The following PLCB4 variants were observed in gnomAD, a reference collection of about 807,000 sequenced individuals.
PLCB4 encodes 1-phosphatidylinositol 4,5-bisphosphate phosphodiesterase beta-4.
In PLCB4, 77 loss-of-function variants were observed where a neutral mutation model predicts 178.8. The ratio of observed to expected loss-of-function variants is 0.43; its 90% CI spans 0.36 to 0.52. The LOEUF is 0.52. PLCB4 is among the 20% of genes least tolerant of loss of function. The probability of loss-of-function intolerance (pLI) is 0.00; values close to 1 mark genes in which losing one functional copy is unlikely to be tolerated. For synonymous variants in PLCB4, 496 were observed against 490.8 expected (o/e 1.01, Z -0.14); for missense variants, 1,024 against 1,453.4 (o/e 0.70, Z 4.80).
chr20:9,131,399 G>A (rs554452763), intron 2 of PLCB4, among the ~76,000 whole-genome samples: 1 of 151,846 alleles, frequency 6.6e-6, no homozygotes, highest in Non-Finnish European at 1.5e-5. Context: ...CTTACCTTGG[G>A]TCCTCAGTAA....
chr20:9,133,955 G>A (rs1218655318), intron 2 of PLCB4, among the ~76,000 whole-genome samples: 1 of 152,194 alleles, frequency 6.6e-6, no homozygotes, highest in Non-Finnish European at 1.5e-5. Context: ...TGAAGACAAA[G>A]CTTTGTGCCT....
At chr20:9,182,769 C>T (rs1474461053) in intron 2 of PLCB4, among the ~76,000 whole-genome samples, 1 of 152,192 alleles carries the variant, frequency 6.6e-6, no homozygotes, top group Non-Finnish European at 1.5e-5. Context: ...GGCTAAGGGG[C>T]TTCCTGGTGT....
intron 21 of PLCB4, among the ~76,000 whole-genome samples, chr20:9,405,690 T>C (rs954183716): frequency 6.6e-6 from 1 of 152,234 alleles, no homozygotes; most frequent in Admixed American, 6.5e-5. Context: ...GATCACTGAT[T>C]AATTTTACAC....
intron 3 of PLCB4, among the ~76,000 whole-genome samples, chr20:9,278,293 T>G (rs140245227): frequency 8.6e-5 from 13 of 152,046 alleles, no homozygotes; most frequent in African/African-American, 3.1e-4. Context: ...CTAGTGTATT[T>G]CACGACAGTC....
chr20:9,255,759 C>T (rs1041984033), intron 3 of PLCB4, among the ~76,000 whole-genome samples: 2 of 152,094 alleles, frequency 1.3e-5, no homozygotes, highest in South Asian at 2.1e-4. Context: ...CTCAACTCTG[C>T]ATTCGTAGCA....
chr20:9,136,230 G>A (rs1376123739), intron 2 of PLCB4, among the ~76,000 whole-genome samples: 4 of 152,134 alleles, frequency 2.6e-5, no homozygotes, highest in African/African-American at 7.2e-5. Context: ...TTCTCCCAAA[G>A]CTGGTTTGAG....
intron 2 of PLCB4, among the ~76,000 whole-genome samples, chr20:9,138,407 TG>T (rs2092425749): frequency 6.6e-6 from 1 of 151,956 alleles, no homozygotes; most frequent in African/African-American, 2.4e-5. Context: ...AGACATTTAG[TG>T]GGAAATATAT....
At chr20:9,106,704 T>C (rs530868230) in intron 2 of PLCB4, among the ~76,000 whole-genome samples, 1 of 152,276 alleles carries the variant, frequency 6.6e-6, no homozygotes, top group South Asian at 2.1e-4. Flanking sequence ...ACTCTTAGAA[T>C]AGCACTCCTT....
intron 3 of PLCB4, among the ~76,000 whole-genome samples, chr20:9,248,236 T>G (rs1164093837): frequency 2.0e-5 from 3 of 152,212 alleles, no homozygotes; most frequent in Admixed American, 1.3e-4. Context: ...TGTTTATCCA[T>G]GTACTGTGAT....
chr20:9,109,470 T>C (rs1422527828), intron 2 of PLCB4, among the ~76,000 whole-genome samples: 1 of 140,402 alleles, frequency 7.1e-6, no homozygotes, highest in African/African-American at 2.8e-5. Flanking sequence ...AAATGATTGC[T>C]TTTTTTTTTT....
At chr20:9,179,728 T>A (rs1025509382) in intron 2 of PLCB4, among the ~76,000 whole-genome samples, 1 of 152,328 alleles carries the variant, frequency 6.6e-6, no homozygotes, top group South Asian at 2.1e-4. Context: ...ATGCTTGTTT[T>A]AGTGAATGAG....
intron 2 of PLCB4, among the ~76,000 whole-genome samples, chr20:9,141,557 G>A (rs1410156267): frequency 1.3e-5 from 2 of 152,024 alleles, no homozygotes; most frequent in Non-Finnish European, 1.5e-5. Context: ...TAAAGATGGG[G>A]GCAATCTTGT....
intron 2 of PLCB4, among the ~76,000 whole-genome samples, chr20:9,174,494 A>G (rs1042607281): frequency 6.7e-6 from 1 of 148,446 alleles, no homozygotes; most frequent in South Asian, 2.2e-4. Context: ...GCAATATTGT[A>G]TATTTCAAGC....
chr20:9,347,025 A>G (rs2033866952), intron 7 of PLCB4, among the ~76,000 whole-genome samples: 1 of 152,160 alleles, frequency 6.6e-6, no homozygotes, highest in East Asian at 1.9e-4. Context: ...CTCATCCGTG[A>G]TGGCGCTCTC....
chr20:9,183,643 G>A (rs1040080394), intron 2 of PLCB4, among the ~76,000 whole-genome samples: 2 of 152,108 alleles, frequency 1.3e-5, no homozygotes, highest in East Asian at 1.9e-4. Flanking sequence ...AATATTTTAA[G>A]TGTTTTTTAA....
chr20:9,156,841 C>A (rs1352611008), intron 2 of PLCB4, among the ~76,000 whole-genome samples: 1 of 128,670 alleles, frequency 7.8e-6, no homozygotes, highest in Non-Finnish European at 1.6e-5. Flanking sequence ...CCCTCCCTCC[C>A]TCCCTCCCTC....
intron 1 of PLCB4, among the ~76,000 whole-genome samples, chr20:9,074,674 CA>C (rs1249081379): frequency 4.6e-5 from 7 of 152,046 alleles, no homozygotes; most frequent in Non-Finnish European, 7.3e-5. Flanking sequence ...TGCATTTGGA[CA>C]GAGGGACCTA....
chr20:9,378,764 A>G (rs2036893716), intron 12 of PLCB4, among the ~76,000 whole-genome samples: 1 of 152,152 alleles, frequency 6.6e-6, no homozygotes, highest in Non-Finnish European at 1.5e-5. Flanking sequence ...TTGATTCCTT[A>G]TGAGTTAATG....
chr20:9,191,602 A>G (rs572461495), intron 2 of PLCB4, among the ~76,000 whole-genome samples: 1 of 152,228 alleles, frequency 6.6e-6, no homozygotes, highest in East Asian at 1.9e-4. Flanking sequence ...AGTGAGTTCT[A>G]AGTTGCTATT....
Sources: allele counts gnomAD v4.1 joint callset (sites outside exome capture counted in the v4.1 genomes callset), GRCh38; gene constraint gnomAD v4.1.1; transcripts MANE v1.5; gene names NCBI Gene and HGNC (gene_info 2026-07-23, HGNC 2026-07-21).